Variants in MYBPH observed in about 807,000 individuals in gnomAD.
MYBPH encodes the protein myosin-binding protein H.
MYBPH carries 49 observed loss-of-function variants against 53.6 expected under a neutral mutation model. The observed-to-expected ratio is 0.91, with a 90% CI of 0.73 to 1.16. The LOEUF is 1.16. Among genes scored for constraint, MYBPH ranks in the 50% most tolerant of loss-of-function variants. MYBPH has a pLI of 0.00. For synonymous variants in MYBPH, 239 were observed against 249.6 expected (o/e 0.96, Z 0.40); for missense variants, 558 against 624.1 (o/e 0.89, Z 1.13).
In MYBPH at chr1:203,170,552, C is replaced by T. The variant is rs959787502; in HGVS notation, c.934-102G>A. Reference sequence around the variant, plus strand: ...ACAGGAACTCATTCCATGCCCCCAACCTTAGGATGCTGAACCATCCAGCTT... The same window carrying T: ...ACAGGAACTCATTCCATGCCCCCAATCTTAGGATGCTGAACCATCCAGCTT... On this transcript the variant is annotated intron_variant, in intron 6 of 10. Transcript: ENST00000255416. 17 of 1,448,328 alleles carry T rather than the reference C, an allele frequency of 1.2e-5. No homozygotes were observed. In the South Asian group the frequency reaches 2.2e-4, roughly 18 times the overall value. The allele number at this position is 1,448,328 out of a possible 1,614,324, so 89.7% of individuals were successfully genotyped here. A position where few individuals can be genotyped will look rare whatever the true frequency, so the allele number is the denominator to read the frequency against.
chr1:203,175,757 G>C lies in MYBPH; in HGVS notation c.-2C>G. ...CTCGGAGGTGTTTTTTTCCATCATT[G>C]CTGGACTGGCTGGGGGGCCAGGGTG... On this transcript the variant is annotated 5_prime_UTR_variant, in exon 1 of 11. Coordinates refer to ENST00000255416, the MANE Select transcript of MYBPH (RefSeq NM_004997.3). 1 of 1,613,682 alleles carries C rather than the reference G, an allele frequency of 6.2e-7. No individual in the cohort carries two copies. The highest frequency in any genetic ancestry group is 8.5e-7 in the Non-Finnish European group (1 of 1,179,988).
At position 203,171,315 on chromosome 1, in the gene MYBPH, A is replaced by T. The variant is rs763492627; in HGVS notation, c.793+68T>A. The T allele has an allele frequency of 6.4e-7, 1 of 1,565,734 alleles. No homozygotes were observed. Among genetic ancestry groups the T allele is most frequent in the Non-Finnish European group, 8.7e-7 (1 of 1,152,636 alleles). ...CCTTGGCCTGCTCCCATCAGCCATCAGCTCTGGGATAGGAGGTTGGGGGCT... is the reference window on the plus strand; with the variant it reads ...CCTTGGCCTGCTCCCATCAGCCATCTGCTCTGGGATAGGAGGTTGGGGGCT... On this transcript the variant is annotated intron_variant, in intron 5 of 10. Transcript: ENST00000255416. The surrounding 1 kb of genome is among the most constrained non-coding windows in gnomAD (Gnocchi z 4.2).
chr1:203,175,198 G>T, intron 2 of MYBPH, 129 bp downstream of exon 2: 1 of 1,200,998 alleles, frequency 8.3e-7, no homozygotes, highest in Admixed American at 2.8e-5. Context: ...GGGTTGAGGA[G>T]CCTACTGCTC....
In MYBPH at chr1:203,171,887, G is replaced by T; in HGVS notation, c.597+65C>A. ...CCTTGGAGACCCTGCCATCTCCCAG[G>T]CTCCCCTTAAATGGGGGCCCTGGTT... On this transcript the variant is annotated intron_variant, in intron 4 of 10. Coordinates refer to ENST00000255416, the MANE Select transcript of MYBPH (RefSeq NM_004997.3). This position sits in a 1 kb window ranked among gnomAD's most constrained non-coding sequence, Gnocchi z 4.2. The T allele has an allele frequency of 9.4e-7, 1 of 1,066,952 alleles. No individual in the cohort carries two copies. Among genetic ancestry groups the T allele is most frequent in the Non-Finnish European group, 1.2e-6 (1 of 810,524 alleles). 66.1% of individuals were successfully genotyped at this position (1,066,952 alleles called of 1,614,324 possible).
At chr1:203,176,338 A>G (rs1004606200), upstream of MYBPH, among the ~76,000 whole-genome samples, 14 of 152,016 alleles carry the variant, frequency 9.2e-5, no homozygotes, top group Non-Finnish European at 1.8e-4. Flanking sequence ...TGAGGGCCCT[A>G]GAGAGGGAGG....
rs762686558 is a variant in MYBPH, at chr1:203,171,126, G to T, written c.868C>A (p.Pro290Thr). Residue 290 changes from proline to threonine, a missense_variant, in exon 6 of 11, where the codon CCC becomes ACC. Pro to Thr is a conservative substitution (Grantham distance 38). Transcript: ENST00000255416. The surrounding 1 kb of genome is among the most constrained non-coding windows in gnomAD (Gnocchi z 4.2). ...AGCTCTGTGTTGCCTGTGTCCTGGG[G>T]TGGCGTCCACTGAAGAGCAGCATTG... ...GCNAALQWTP[P>T]QDTGNTELLG... The T allele has an allele frequency of 1.2e-6, 2 of 1,613,562 alleles. No individual in the cohort carries two copies. Among genetic ancestry groups the T allele is most frequent in the Admixed American group, 3.3e-5 (2 of 59,918 alleles).
At chr1:203,172,581 C>G (rs1655721728) in intron 3 of MYBPH, among the ~76,000 whole-genome samples, 1 of 152,208 alleles carries the variant, frequency 6.6e-6, no homozygotes, top group Non-Finnish European at 1.5e-5. Flanking sequence ...TTTCTCTTCC[C>G]AAGTGAAGCC....
rs1571818805 is a variant in MYBPH, at chr1:203,168,181, C to T, written c.*33-90G>A. On this transcript the variant is annotated intron_variant, in intron 10 of 10. Transcript: ENST00000255416. Reference sequence around the variant, plus strand: ...GCAGAGTGGGGAGGGGGAGCAGCATCCTCTTCCTCACCAGGCCTCCCTCCC... The same window carrying T: ...GCAGAGTGGGGAGGGGGAGCAGCATTCTCTTCCTCACCAGGCCTCCCTCCC... 3 of 231,030 alleles carry T rather than the reference C, an allele frequency of 1.3e-5. No individual in the cohort carries two copies. In the East Asian group the frequency reaches 4.1e-4, roughly 32 times the overall value. 14.3% of individuals were successfully genotyped at this position (231,030 alleles called of 1,614,324 possible).
chr1:203,171,171 G>C lies in MYBPH; in HGVS notation c.823C>G (p.Leu275Val), dbSNP rs747357040. ...GCATTGCAGCCCCAGACGTCCAGGAGCCTGATGCTGCTGGGGGGTCCAGGT... is the reference window on the plus strand; with the variant it reads ...GCATTGCAGCCCCAGACGTCCAGGACCCTGATGCTGCTGGGGGGTCCAGGT... ...EKPGPPSSIR[L>V]LDVWGCNAAL... The change falls in exon 6 of 11, where the codon CTC becomes GTC. Residue 275 changes from leucine to valine, a missense_variant. Leu to Val is a conservative substitution (Grantham distance 32). Transcript: ENST00000255416. The surrounding 1 kb of genome is among the most constrained non-coding windows in gnomAD (Gnocchi z 4.2). 1.8e-5 allele frequency: 29 copies of C among 1,609,202 alleles called. 1 individual carries two copies. The Admixed American group carries it at 4.9e-4, about 27-fold the overall frequency.
At position 203,171,915 on chromosome 1, in the gene MYBPH, C is replaced by T; in HGVS notation, c.597+37G>A. The T allele has an allele frequency of 8.0e-7, 1 of 1,257,568 alleles. No individual in the cohort carries two copies. The allele number at this position is 1,257,568 out of a possible 1,614,324, so 77.9% of individuals were successfully genotyped here. On this transcript the variant is annotated intron_variant, in intron 4 of 10. Transcript: ENST00000255416. The surrounding 1 kb of genome is among the most constrained non-coding windows in gnomAD (Gnocchi z 4.2). ...CCCCTTAAATGGGGGCCCTGGTTCC[C>T]ACCCAGGCTGTTACCCTTGGTGGGG...
chr1:203,175,888 TC>T, upstream of MYBPH: 1 of 874,512 alleles, frequency 1.1e-6, no homozygotes. Flanking sequence ...AGCAAACGAT[TC>T]CCAGCTGTGG....
upstream of MYBPH, among the ~76,000 whole-genome samples, chr1:203,178,338 GC>G (rs1655855598): frequency 6.6e-6 from 1 of 152,238 alleles, no homozygotes; most frequent in South Asian, 2.1e-4. Flanking sequence ...AAAGGGCTAA[GC>G]CCAGCACTAG....
intron 10 of MYBPH, 76 bp downstream of exon 10, chr1:203,168,551 A>T (rs1655628257): frequency 2.8e-6 from 4 of 1,440,798 alleles, no homozygotes; most frequent in Non-Finnish European, 3.8e-6. Flanking sequence ...TCTCACCCCA[A>T]CCCCCTGCTC....
intron 3 of MYBPH, among the ~76,000 whole-genome samples, chr1:203,173,521 T>C (rs1023246415): frequency 6.6e-6 from 1 of 152,220 alleles, no homozygotes; most frequent in East Asian, 1.9e-4. Context: ...TGGGCCTTGA[T>C]AATCTATGAA....
rs778663658 is a variant in MYBPH, at chr1:203,175,557, T to C, written c.199A>G (p.Ser67Gly). 1.4e-5 allele frequency: 23 copies of C among 1,613,688 alleles called. No individual in the cohort carries two copies. The highest frequency in any genetic ancestry group is 4.5e-5 in the East Asian group (2 of 44,806). ...ASTATKPAPPSEDVPSAPLLL... is the reference protein window; with the variant it reads ...ASTATKPAPPGEDVPSAPLLL... ...CTGCCCCACCTTCAGTCACCTTCAC[T>C]TGGGGGTGCAGGCTTAGTGGCTGTG... The change falls in exon 1 of 11, where the codon AGT becomes GGT. Residue 67 changes from serine to glycine, a missense_variant. Physicochemically the swap from Ser to Gly is moderately conservative, Grantham distance 56. Transcript: ENST00000255416.
In MYBPH at chr1:203,171,969, G is replaced by C; in HGVS notation, c.580C>G (p.Leu194Val). Reference protein sequence around the residue: ...YIRQVGETVNLQIPFQGKPKP... With the variant: ...YIRQVGETVNVQIPFQGKPKP... ...ATACCCACCTGGAAGGGGATTTGCA[G>C]GTTGACCGTCTCTCCCACCTGGCGG... The change falls in exon 4 of 11, where the codon CTG becomes GTG. Residue 194 changes from leucine to valine, a missense_variant. Coordinates refer to ENST00000255416, the MANE Select transcript of MYBPH (RefSeq NM_004997.3). This position sits in a 1 kb window ranked among gnomAD's most constrained non-coding sequence, Gnocchi z 4.2. 3.8e-6 allele frequency: 5 copies of C among 1,324,692 alleles called. No homozygotes were observed. Among genetic ancestry groups the C allele is most frequent in the Non-Finnish European group, 3.9e-6 (4 of 1,029,498 alleles). The allele number at this position is 1,324,692 out of a possible 1,614,324, so 82.1% of individuals were successfully genotyped here.
At chr1:203,177,987 C>T (rs971309559), upstream of MYBPH, among the ~76,000 whole-genome samples, 7 of 152,260 alleles carry the variant, frequency 4.6e-5, no homozygotes, top group Non-Finnish European at 1.0e-4. Flanking sequence ...CAGATATTTC[C>T]TCCTTCCCTC....
chr1:203,174,268 G>A (rs968961253), intron 3 of MYBPH, 162 bp downstream of exon 3: 8 of 976,362 alleles, frequency 8.2e-6, no homozygotes, highest in Non-Finnish European at 4.9e-6. Context: ...TGAGGAACCT[G>A]GAACTTTCTT....
Position 203,171,013 on chromosome 1 carries a change from C to A in MYBPH, c.933+48G>T. ...TCAGTGGGATGGGCCTTCCCCACCA[C>A]CTTGACCACTTCGTACCCCGACCCC... On this transcript the variant is annotated intron_variant, in intron 6 of 10. Transcript: ENST00000255416. This position sits in a 1 kb window ranked among gnomAD's most constrained non-coding sequence, Gnocchi z 4.2. 1 of 1,537,440 alleles carries A rather than the reference C, an allele frequency of 6.5e-7. No individual in the cohort carries two copies. The highest frequency in any genetic ancestry group is 8.7e-7 in the Non-Finnish European group (1 of 1,143,436).
Sources: allele counts gnomAD v4.1 joint callset (sites outside exome capture counted in the v4.1 genomes callset), GRCh38; gene constraint gnomAD v4.1.1; non-coding constraint Gnocchi (gnomAD v3.1); transcripts MANE v1.5; gene names NCBI Gene and HGNC (gene_info 2026-07-23, HGNC 2026-07-21).